The following TTF2 variants were observed in gnomAD, a reference collection of about 807,000 sequenced individuals.
TTF2 encodes transcription termination factor 2.
Under a neutral mutation model 142.4 loss-of-function variants are expected in TTF2, and 108 were observed. That is an observed-to-expected ratio of 0.76 (90% confidence interval 0.65 to 0.89). TTF2 has a LOEUF of 0.89. TTF2 is among the 40% of genes least tolerant of loss of function. TTF2 has a pLI of 0.00. For synonymous variants in TTF2, 483 were observed against 506.2 expected, an observed-to-expected ratio of 0.95 and a Z score of 0.61; for missense variants, 1,327 against 1,379.8, an observed-to-expected ratio of 0.96 and a Z score of 0.61.
chr1:117,098,997 A>C lies in TTF2; in HGVS notation c.3344+90A>C. Reference sequence around the variant, plus strand: ...TTAGGTAGTGTTTTCATAGAATTTAAAGTATTTGGTGATGACTTTACTGAT... The same window carrying C: ...TTAGGTAGTGTTTTCATAGAATTTACAGTATTTGGTGATGACTTTACTGAT... On this transcript the variant is annotated intron_variant, in intron 22 of 22. Coordinates refer to ENST00000369466, the MANE Select transcript of TTF2 (RefSeq NM_003594.4). 7 of 1,297,928 alleles carry C rather than the reference A, an allele frequency of 5.4e-6. No individual in the cohort carries two copies. In the East Asian group the frequency reaches 9.9e-5, roughly 18 times the overall value. 80.4% of individuals were successfully genotyped at this position (1,297,928 alleles called of 1,614,324 possible).
In TTF2 at chr1:117,080,629, T is replaced by C. The variant is rs1647423125; in HGVS notation, c.1783+980T>C. Among the ~76,000 whole-genome samples, 1 of 152,208 alleles carries C rather than the reference T, an allele frequency of 6.6e-6. No homozygotes were observed. The highest frequency in any genetic ancestry group is 2.1e-4 in the South Asian group (1 of 4,832). On this transcript the variant is annotated intron_variant, in intron 9 of 22. Transcript: ENST00000369466. The surrounding 1 kb of genome is among the most constrained non-coding windows in gnomAD (Gnocchi z 4.3). Reference sequence around the variant, plus strand: ...TTCAGAAACCATGATAGATGTCCACTATGGCTAGTAAGTGACTGTGTCAGT... The same window carrying C: ...TTCAGAAACCATGATAGATGTCCACCATGGCTAGTAAGTGACTGTGTCAGT...
At chr1:117,084,686 A>C (rs1647854288) in intron 11 of TTF2, among the ~76,000 whole-genome samples, 2 of 152,206 alleles carry the variant, frequency 1.3e-5, no homozygotes, top group Non-Finnish European at 2.9e-5. Flanking sequence ...ATGCTCAGGA[A>C]GGAGGGAAGA....
rs1656521563 is a variant in TTF2, at chr1:117,070,931, A to T, written c.219-2730A>T. ...AGGACCTGCTCAGGACCCCTGAATT[A>T]GGATGCAGACTGTTGTGATTCATGT... On this transcript the variant is annotated intron_variant, in intron 3 of 22. Transcript: ENST00000369466. The surrounding 1 kb of genome is among the most constrained non-coding windows in gnomAD (Gnocchi z 4.2). 6.6e-6 allele frequency among the ~76,000 whole-genome samples: 1 copy of T among 152,204 alleles called. No homozygotes were observed. Among genetic ancestry groups the T allele is most frequent in the African/African-American group, 2.4e-5 (1 of 41,456 alleles).
intron 3 of TTF2, among the ~76,000 whole-genome samples, chr1:117,068,353 T>C (rs1033963108): frequency 1.7e-4 from 26 of 152,132 alleles, no homozygotes; most frequent in Admixed American, 3.3e-4. Context: ...ATGAGAACAC[T>C]TGGACATAGG....
chr1:117,081,233 C>T (rs1437834373), intron 9 of TTF2, among the ~76,000 whole-genome samples: 1 of 152,192 alleles, frequency 6.6e-6, no homozygotes, highest in Non-Finnish European at 1.5e-5. Flanking sequence ...TCTGTTATGG[C>T]AGAATGATTA....
Position 117,081,965 on chromosome 1 carries a change from A to G in TTF2, c.1903+18A>G. On this transcript the variant is annotated intron_variant, in intron 10 of 22. Coordinates refer to ENST00000369466, the MANE Select transcript of TTF2 (RefSeq NM_003594.4). ...CAAAGATGGTAGACAGAAGTGCCTTAATAGCCTGCCATTCCCTACGTCATT... is the reference window on the plus strand; with the variant it reads ...CAAAGATGGTAGACAGAAGTGCCTTGATAGCCTGCCATTCCCTACGTCATT... The G allele has an allele frequency of 6.2e-7, 1 of 1,613,940 alleles. No individual in the cohort carries two copies. The highest frequency in any genetic ancestry group is 8.5e-7 in the Non-Finnish European group (1 of 1,179,914).
chr1:117,076,007 AT>A lies in TTF2; in HGVS notation c.1275+152del. 2 of 1,360,182 alleles carry A rather than the reference AT, an allele frequency of 1.5e-6. No individual in the cohort carries two copies. The highest frequency in any genetic ancestry group is 2.0e-6 in the Non-Finnish European group (2 of 1,021,166). The allele number at this position is 1,360,182 out of a possible 1,614,324, so 84.3% of individuals were successfully genotyped here. On this transcript the variant is annotated intron_variant, in intron 5 of 22. Coordinates refer to ENST00000369466, the MANE Select transcript of TTF2 (RefSeq NM_003594.4). This position sits in a 1 kb window ranked among gnomAD's most constrained non-coding sequence, Gnocchi z 4.6. ...AGTTTCTGCCTTTTCCCCTATTTAT[AT>A]TTTCAAGATTGGTAAGCCAGCTGGG...
At position 117,063,999 on chromosome 1, in the gene TTF2, C is replaced by G. The variant is rs1655887667; in HGVS notation, c.218+1526C>G. Among the ~76,000 whole-genome samples the G allele has an allele frequency of 6.6e-6, 1 of 152,134 alleles. No individual in the cohort carries two copies. The highest frequency in any genetic ancestry group is 1.5e-5 in the Non-Finnish European group (1 of 68,016). ...CTCTGTTGCCCTTTCTATAACCATA[C>G]CCCCTTCCCTCCCTTCTGCCCTCTT... On this transcript the variant is annotated intron_variant, in intron 3 of 22. Coordinates refer to ENST00000369466, the MANE Select transcript of TTF2 (RefSeq NM_003594.4). The surrounding 1 kb of genome is among the most constrained non-coding windows in gnomAD (Gnocchi z 4.1).
rs943340200 is a variant in TTF2, at chr1:117,075,183, C to CAG, written c.603_604dup (p.Ile202ArgfsTer54). 22 of 1,613,988 alleles carry CAG rather than the reference C, an allele frequency of 1.4e-5. No homozygotes were observed. The highest frequency in any genetic ancestry group is 1.8e-5 in the Non-Finnish European group (21 of 1,180,042). On this transcript the variant is annotated frameshift_variant, in exon 5 of 23. Transcript: ENST00000369466. LOFTEE classifies it high-confidence loss of function. The surrounding 1 kb of genome is among the most constrained non-coding windows in gnomAD (Gnocchi z 4.5). ...CAAGAGAAGAAGCAAGAAGAGGGAG[C>CAG]AGAGATTCAGTGTGAGGCAGAGACT...
In TTF2 at chr1:117,072,381, C is replaced by A. The variant is rs1656647708; in HGVS notation, c.219-1280C>A. Among the ~76,000 whole-genome samples, 3 of 150,544 alleles carry A rather than the reference C, an allele frequency of 2.0e-5. No homozygotes were observed. In the South Asian group the frequency reaches 6.3e-4, roughly 32 times the overall value. On this transcript the variant is annotated intron_variant, in intron 3 of 22. Transcript: ENST00000369466. Reference sequence around the variant, plus strand: ...AAAAAAATCCCAGATAACATTATTTCATCTGTCAATATTTTAGTATGTAGC... The same window carrying A: ...AAAAAAATCCCAGATAACATTATTTAATCTGTCAATATTTTAGTATGTAGC...
At position 117,105,116 on chromosome 1, in the gene TTF2, A is replaced by G. The variant is rs746878655; in HGVS notation, c.*3592A>G. The G allele has an allele frequency of 6.6e-6, 1 of 152,162 alleles. No individual in the cohort carries two copies. The highest frequency in any genetic ancestry group is 2.4e-5 in the African/African-American group (1 of 41,424). 9.4% of individuals were successfully genotyped at this position (152,162 alleles called of 1,614,324 possible). A position where few individuals can be genotyped will look rare whatever the true frequency, so the allele number is the denominator to read the frequency against. ...ATTGCACCTGACTTGGGCATGGATG[A>G]TATGAGGTAATAAATGCTTTGAAAA... On this transcript the variant is annotated 3_prime_UTR_variant, in exon 23 of 23. Transcript: ENST00000369466. This position sits in a 1 kb window ranked among gnomAD's most constrained non-coding sequence, Gnocchi z 4.7.
In TTF2 at chr1:117,105,936, C is replaced by A. The variant is rs1451483961; in HGVS notation, c.*4412C>A. ...CTTTTAGCAGGGCTCAAAGGTGAAGCCAGATTCTCCTGCACTAATAGGATA... is the reference window on the plus strand; with the variant it reads ...CTTTTAGCAGGGCTCAAAGGTGAAGACAGATTCTCCTGCACTAATAGGATA... On this transcript the variant is annotated 3_prime_UTR_variant, in exon 23 of 23. Coordinates refer to ENST00000369466, the MANE Select transcript of TTF2 (RefSeq NM_003594.4). This position sits in a 1 kb window ranked among gnomAD's most constrained non-coding sequence, Gnocchi z 4.7. The A allele has an allele frequency of 2.6e-5, 4 of 152,120 alleles. No individual in the cohort carries two copies. Among genetic ancestry groups the A allele is most frequent in the African/African-American group, 4.8e-5 (2 of 41,398 alleles). 9.4% of individuals were successfully genotyped at this position (152,120 alleles called of 1,614,324 possible).
Position 117,076,454 on chromosome 1 carries a change from T to C in TTF2, c.1390+160T>C, listed in dbSNP as rs1657013650. 1 of 923,904 alleles carries C rather than the reference T, an allele frequency of 1.1e-6. No homozygotes were observed. The highest frequency in any genetic ancestry group is 1.6e-6 in the Non-Finnish European group (1 of 620,446). 57.2% of individuals were successfully genotyped at this position (923,904 alleles called of 1,614,324 possible). A position where few individuals can be genotyped will look rare whatever the true frequency, so the allele number is the denominator to read the frequency against. ...ATTACACCTATGGTTCATAAAAAAC[T>C]TTCTCCTGTTTCCTGTGGACTCTAC... On this transcript the variant is annotated intron_variant, in intron 6 of 22. Transcript: ENST00000369466. This position sits in a 1 kb window ranked among gnomAD's most constrained non-coding sequence, Gnocchi z 4.6.
Position 117,074,978 on chromosome 1 carries a change from A to C in TTF2, c.394A>C (p.Asn132His). 1 of 1,614,038 alleles carries C rather than the reference A, an allele frequency of 6.2e-7. No individual in the cohort carries two copies. The highest frequency in any genetic ancestry group is 8.5e-7 in the Non-Finnish European group (1 of 1,180,016). The stretch of plus-strand genomic sequence containing the variant: ...AAATCCATTCAAGGTACTTGACAAG[A>C]ATCAAGAACCAGCTCTCTGGAAACA... Reference protein sequence around the residue: ...LRNPFKVLDKNQEPALWKQLI... With the variant: ...LRNPFKVLDKHQEPALWKQLI... Residue 132 changes from asparagine to histidine, a missense_variant, in exon 5 of 23, where the codon AAT (asparagine) becomes CAT (histidine). Asn to His is a moderately conservative substitution (Grantham distance 68, BLOSUM62 1). Transcript: ENST00000369466.
chr1:117,090,046 A>G lies in TTF2; in HGVS notation c.2343-9A>G. ...CCCTACTCTGTGCCCTTCTTCCTCA[A>G]CAAAAAAGGTTTCTCCGTTGCTCTC... On this transcript the variant is annotated splice_polypyrimidine_tract_variant and intron_variant, in intron 13 of 22. Transcript: ENST00000369466. This position sits in a 1 kb window ranked among gnomAD's most constrained non-coding sequence, Gnocchi z 4.8. 1 of 1,611,758 alleles carries G rather than the reference A, an allele frequency of 6.2e-7. No homozygotes were observed. The highest frequency in any genetic ancestry group is 1.3e-5 in the African/African-American group (1 of 74,948).
intron 3 of TTF2, among the ~76,000 whole-genome samples, chr1:117,064,002 C>G (rs562400524): frequency 2.6e-5 from 4 of 152,290 alleles, no homozygotes; most frequent in African/African-American, 7.2e-5. Context: ...AACCATACCC[C>G]CTTCCCTCCC....
intron 2 of TTF2, 146 bp downstream of exon 2, chr1:117,060,703 C>T: frequency 1.5e-6 from 1 of 683,028 alleles, no homozygotes; most frequent in South Asian, 2.9e-5. Flanking sequence ...AATTGGTGAT[C>T]CCAGGGCAGC....
At chr1:117,077,813 A>T in intron 7 of TTF2, 103 bp from the exon 8 acceptor site, 2 of 1,456,360 alleles carry the variant, frequency 1.4e-6, no homozygotes, top group South Asian at 1.3e-5. Context: ...GTTAACAAGG[A>T]GGGTAAGAAA....
In TTF2 at chr1:117,071,596, T is replaced by C. The variant is rs551628836; in HGVS notation, c.219-2065T>C. Among the ~76,000 whole-genome samples, 8 of 151,840 alleles carry C rather than the reference T, an allele frequency of 5.3e-5. No individual in the cohort carries two copies. In the South Asian group the frequency reaches 1.7e-3, roughly 32 times the overall value. ...GGCTTCTCACTGTGTTTTTAATACT[T>C]ATTGATTGAATACTTTACCTATTTC... On this transcript the variant is annotated intron_variant, in intron 3 of 22. Transcript: ENST00000369466.
Sources: allele counts gnomAD v4.1 joint callset (sites outside exome capture counted in the v4.1 genomes callset), GRCh38; gene constraint gnomAD v4.1.1; non-coding constraint Gnocchi (gnomAD v3.1); transcripts MANE v1.5; gene names NCBI Gene and HGNC (gene_info 2026-07-23, HGNC 2026-07-21).